MYOM2: variants seen among roughly 807,000 people sequenced by gnomAD.
MYOM2 encodes the protein myomesin 2, also known as myomesin-2.
Under a neutral mutation model 187.6 loss-of-function variants are expected in MYOM2, and 254 were observed. That is an observed-to-expected ratio of 1.35 (90% CI 1.22 to 1.50). The LOEUF (loss-of-function observed/expected upper bound fraction) is 1.50, where lower values mean the gene tolerates loss of function less well. Among genes scored for constraint, MYOM2 ranks in the 40% most tolerant of loss-of-function variants. MYOM2 has a pLI of 0.00. For missense variants in MYOM2, 2,796 were observed against 1,924.0 expected (o/e 1.45, Z -8.48); for synonymous variants, 981 against 753.8 (o/e 1.30, Z -4.94).
intron 8 of MYOM2, among the ~76,000 whole-genome samples, chr8:2,071,288 C>T (rs1266642610): frequency 6.6e-6 from 1 of 152,150 alleles, no homozygotes; most frequent in Non-Finnish European, 1.5e-5. Flanking sequence ...AGCCACTGTA[C>T]CCGGCCTGCA....
In MYOM2 at chr8:2,090,089, A is replaced by G; in HGVS notation, c.1726A>G (p.Met576Val). 1 of 1,613,930 alleles carries G rather than the reference A, an allele frequency of 6.2e-7. No individual in the cohort carries two copies. The highest frequency in any genetic ancestry group is 8.5e-7 in the Non-Finnish European group (1 of 1,180,002). Residue 576 changes from methionine (M) to valine (V), a missense_variant, in exon 15 of 37, where the codon ATG becomes GTG. Met to Val is a conservative substitution (Grantham distance 21). Transcript: ENST00000262113. Reference protein sequence around the residue: ...RSPRYAVFDLMEGKSYVFRVL... With the variant: ...RSPRYAVFDLVEGKSYVFRVL... The stretch of plus-strand genomic sequence containing the variant: ...CCCGAGATATGCCGTGTTTGACCTC[A>G]TGGAAGGGAAGTCTTATGTGTTCCG...
chr8:2,054,486 C>T (rs368962451), intron 3 of MYOM2, among the ~76,000 whole-genome samples: 30 of 152,170 alleles, frequency 2.0e-4, no homozygotes, highest in African/African-American at 6.3e-4. Flanking sequence ...ACTGTGCACA[C>T]GTGGGCTGAA....
At position 2,055,850 on chromosome 8, in the gene MYOM2, C is replaced by G. The variant is rs141433268; in HGVS notation, c.264-1498C>G. On this transcript the variant is annotated intron_variant, in intron 3 of 36. Coordinates refer to ENST00000262113, the MANE Select transcript of MYOM2 (RefSeq NM_003970.4). The stretch of plus-strand genomic sequence containing the variant: ...TGGACAGCCGTGATGCTACGGTCCC[C>G]TCCAGCTCCGATACCGGGACTTTCT... 2.6e-3 allele frequency among the ~76,000 whole-genome samples: 391 copies of G among 152,278 alleles called. 5 individuals are homozygous for G. Among genetic ancestry groups the G allele is most frequent in the African/African-American group, 8.9e-3 (372 of 41,566 alleles).
chr8:2,057,969 T>C (rs1818727093), intron 5 of MYOM2, among the ~76,000 whole-genome samples, 189 bp downstream of exon 5: 1 of 150,534 alleles, frequency 6.6e-6, no homozygotes, highest in Admixed American at 6.6e-5. Flanking sequence ...TTTATTTTCA[T>C]GACATTGAGT....
At chr8:2,093,423 C>G (rs1215880933) in intron 16 of MYOM2, among the ~76,000 whole-genome samples, 2 of 152,178 alleles carry the variant, frequency 1.3e-5, no homozygotes, top group Non-Finnish European at 2.9e-5. Flanking sequence ...GCTAAGTTGT[C>G]CACCTAGAGT....
chr8:2,072,722 A>G (rs1403032473), intron 9 of MYOM2, among the ~76,000 whole-genome samples: 1 of 152,348 alleles, frequency 6.6e-6, no homozygotes, highest in Admixed American at 6.5e-5. Flanking sequence ...CCGAACCTAG[A>G]GCAGCCACTT....
intron 11 of MYOM2, chr8:2,076,564 C>A (rs905227758): frequency 2.5e-6 from 1 of 407,564 alleles, no homozygotes; most frequent in South Asian, 3.3e-5. Flanking sequence ...TCTTCAGGCT[C>A]ACTCTGAGCC....
At chr8:2,077,241 C>T (rs1201254213) in intron 11 of MYOM2, among the ~76,000 whole-genome samples, 2 of 151,802 alleles carry the variant, frequency 1.3e-5, no homozygotes, top group African/African-American at 2.4e-5. Flanking sequence ...ACCAGGGAGG[C>T]GGTGGTTGCA....
At chr8:2,085,545 C>CCCTACTGTCGTGATCTCCACGTGGCCACA (rs1554546502) in intron 14 of MYOM2, among the ~76,000 whole-genome samples, 155 bp downstream of exon 14, 6 of 50,452 alleles carry the variant, frequency 1.2e-4, no homozygotes, top group Admixed American at 4.0e-4. Flanking sequence ...CTGCGTGGCC[C>CCCTACTGTCGTGATCTCCACGTGGCCACA]CACTGTCATG....
intron 31 of MYOM2, chr8:2,127,968 C>G (rs887542385): frequency 6.6e-6 from 1 of 152,246 alleles, no homozygotes; most frequent in Non-Finnish European, 1.5e-5. Context: ...ATTTTGGTTT[C>G]TATTTCTTTA....
intron 31 of MYOM2, among the ~76,000 whole-genome samples, chr8:2,126,470 TCACA>T (rs1201246968): frequency 1.8e-4 from 27 of 151,810 alleles, no homozygotes; most frequent in Non-Finnish European, 3.1e-4. Context: ...CCCTACACAC[TCACA>T]CACTCATACA....
In MYOM2 at chr8:2,100,954, G is replaced by T. The variant is rs138971535; in HGVS notation, c.2519G>T (p.Gly840Val). Residue 840 changes from glycine to valine, a missense_variant, in exon 20 of 37, where the codon GGC (glycine) becomes GTC (valine). Physicochemically the swap from Gly to Val is moderately radical, Grantham distance 109 (BLOSUM62 -3). Coordinates refer to ENST00000262113, the MANE Select transcript of MYOM2 (RefSeq NM_003970.4). Reference protein sequence around the residue: ...VMLWKAPVYSGSSPVSGYFVD... With the variant: ...VMLWKAPVYSVSSPVSGYFVD... ...CTGTGGAAGGCCCCTGTGTACTCCG[G>T]CAGCAGCCCTGTTTCTGGATATTTC... The T allele has an allele frequency of 6.2e-7, 1 of 1,614,204 alleles. No individual in the cohort carries two copies. The highest frequency in any genetic ancestry group is 8.5e-7 in the Non-Finnish European group (1 of 1,180,032).
chr8:2,062,253 A>T (rs1281610133), intron 6 of MYOM2, among the ~76,000 whole-genome samples: 1 of 151,726 alleles, frequency 6.6e-6, no homozygotes, highest in African/African-American at 2.4e-5. Flanking sequence ...AGGCGGGGAG[A>T]CCCCAGAGGG....
Position 2,115,951 on chromosome 8 carries a change from T to G in MYOM2, c.3181-9T>G, listed in dbSNP as rs1372845558. On this transcript the variant is annotated splice_polypyrimidine_tract_variant and intron_variant, in intron 25 of 36. Transcript: ENST00000262113. ...GTATAATTCTCCATTTCCCTTGTTT[T>G]GCTTGCAGATACACAGAATTAAATG... 6.2e-7 allele frequency: 1 copy of G among 1,605,240 alleles called. No individual in the cohort carries two copies. Among genetic ancestry groups the G allele is most frequent in the Non-Finnish European group, 8.5e-7 (1 of 1,177,952 alleles).
chr8:2,117,706 C>A (rs982359387), intron 27 of MYOM2, among the ~76,000 whole-genome samples, 179 bp from the exon 28 acceptor site: 1 of 152,090 alleles, frequency 6.6e-6, no homozygotes, highest in Non-Finnish European at 1.5e-5. Flanking sequence ...ATCTCAGTTT[C>A]ATCCTCCACA....
At chr8:2,095,149 G>A (rs1796435803) in intron 17 of MYOM2, among the ~76,000 whole-genome samples, 1 of 152,174 alleles carries the variant, frequency 6.6e-6, no homozygotes, top group Non-Finnish European at 1.5e-5. Context: ...TCCAAGGAAT[G>A]TCAAATCTGA....
chr8:2,097,094 C>T, intron 18 of MYOM2: 1 of 980,572 alleles, frequency 1.0e-6, no homozygotes, highest in Non-Finnish European at 1.2e-6. Flanking sequence ...GAGCCACAGA[C>T]CTCAGGGGAG....
chr8:2,139,569 C>T lies in MYOM2; in HGVS notation c.3801-1154C>T, dbSNP rs114480947. Among the ~76,000 whole-genome samples, 958 of 152,226 alleles carry T rather than the reference C, an allele frequency of 6.3e-3. 9 individuals carry two copies. The highest frequency in any genetic ancestry group is 0.022 in the African/African-American group (907 of 41,528). On this transcript the variant is annotated intron_variant, in intron 32 of 36. Transcript: ENST00000262113. Reference sequence around the variant, plus strand: ...ATGGAACATAGGCATTCTTGGTTGCCGGCAAGGGTAAGGAAAGATGCCACA... The same window carrying T: ...ATGGAACATAGGCATTCTTGGTTGCTGGCAAGGGTAAGGAAAGATGCCACA...
intron 21 of MYOM2, among the ~76,000 whole-genome samples, chr8:2,105,886 AG>A (rs1563059242): frequency 4.6e-5 from 7 of 152,176 alleles, no homozygotes. Context: ...TGACTTATAA[AG>A]AAAAGAGGTT....
Sources: allele counts gnomAD v4.1 joint callset (sites outside exome capture counted in the v4.1 genomes callset), GRCh38; gene constraint gnomAD v4.1.1; transcripts MANE v1.5; gene names NCBI Gene and HGNC (gene_info 2026-07-23, HGNC 2026-07-21).